CSDE1: variants seen among roughly 807,000 people sequenced by gnomAD.
CSDE1 encodes the protein cold shock domain-containing protein E1.
In CSDE1, 17 loss-of-function variants were observed where a neutral mutation model predicts 89.3. The observed-to-expected ratio is 0.19, with a 90% confidence interval of 0.13 to 0.29. The LOEUF is 0.29. Among genes scored for constraint, CSDE1 ranks in the 10% least tolerant of loss-of-function variants. CSDE1 has a pLI of 1.00. For missense variants in CSDE1, 672 were observed against 984.2 expected, an observed-to-expected ratio of 0.68 and a Z score of 4.24; for synonymous variants, 322 against 332.8, an observed-to-expected ratio of 0.97 and a Z score of 0.35.
intron 2 of CSDE1, among the ~76,000 whole-genome samples, chr1:114,746,110 CTG>C (rs796460385): frequency 6.5e-4 from 99 of 152,284 alleles, no homozygotes; most frequent in African/African-American, 2.3e-3. Flanking sequence ...GAAAACTACT[CTG>C]TATTCTCAGA....
chr1:114,731,090 A>T (rs1660072543), intron 10 of CSDE1, among the ~76,000 whole-genome samples: 1 of 152,054 alleles, frequency 6.6e-6, no homozygotes, highest in African/African-American at 2.4e-5. Flanking sequence ...GAAGAATAAA[A>T]TATATGCAAT....
chr1:114,718,607 T>C lies in CSDE1; in HGVS notation c.2349+6A>G. The C allele has an allele frequency of 6.2e-7, 1 of 1,613,768 alleles. No individual in the cohort carries two copies. Among genetic ancestry groups the C allele is most frequent in the Non-Finnish European group, 8.5e-7 (1 of 1,179,816 alleles). On this transcript the variant is annotated splice_donor_region_variant and intron_variant, in intron 19 of 19. Transcript: ENST00000358528. ...GGCCTCCCCCAAGCCTTGTATGCCC[T>C]CATACCATTGAGTTATCTGGTCCCC...
intron 15 of CSDE1, 69 bp downstream of exon 15, chr1:114,725,152 C>G: frequency 8.4e-7 from 1 of 1,186,734 alleles, no homozygotes; most frequent in Non-Finnish European, 1.3e-6. Context: ...GGCCTCATCT[C>G]CCTCTACTAC....
chr1:114,720,218 G>C, intron 17 of CSDE1: 1 of 249,912 alleles, frequency 4.0e-6, no homozygotes, highest in East Asian at 8.8e-5. Context: ...TTCTGTGTTT[G>C]TGTGATATGC....
intron 5 of CSDE1, among the ~76,000 whole-genome samples, chr1:114,737,205 C>G (rs762315651): frequency 2.0e-5 from 3 of 152,008 alleles, no homozygotes; most frequent in Non-Finnish European, 2.9e-5. Context: ...AGATCCCCCC[C>G]ACAACCCCCA....
chr1:114,732,488 G>T, intron 10 of CSDE1, 116 bp downstream of exon 10: 1 of 846,410 alleles, frequency 1.2e-6, no homozygotes, highest in Non-Finnish European at 1.9e-6. Context: ...CCTTAACAAG[G>T]TAAATGCCCA....
chr1:114,752,671 C>CA (rs1346218455), intron 1 of CSDE1, among the ~76,000 whole-genome samples: 1 of 152,024 alleles, frequency 6.6e-6, no homozygotes, highest in Non-Finnish European at 1.5e-5. Context: ...GGTCTTCCCA[C>CA]AAAAAAATAC....
Position 114,730,363 on chromosome 1 carries a change from C to T in CSDE1, c.1251G>A (p.Thr417=), listed in dbSNP as rs750204808. The change falls in exon 12 of 20, where the codon ACG becomes ACA. Residue 417 remains threonine (T), a synonymous_variant. Coordinates refer to ENST00000358528, the MANE Select transcript of CSDE1 (RefSeq NM_001007553.3). ...GATCTGAATGGGAATGAAATGAAACCGTGCCCTTGGGAAGTTTTTTAATCC... is the reference window on the plus strand; with the variant it reads ...GATCTGAATGGGAATGAAATGAAACTGTGCCCTTGGGAAGTTTTTTAATCC... ...AIRIKKLPKG[T]VSFHSHSDHR... 1.4e-5 allele frequency: 23 copies of T among 1,613,984 alleles called. No individual in the cohort carries two copies. In the East Asian group the frequency reaches 2.0e-4, roughly 14 times the overall value.
intron 2 of CSDE1, chr1:114,741,660 T>C: frequency 1.9e-6 from 3 of 1,544,036 alleles, no homozygotes; most frequent in Non-Finnish European, 2.6e-6. Context: ...AAAAACGTTC[T>C]CCATCTCAAA....
At chr1:114,741,153 A>G (rs1246646685) in intron 2 of CSDE1, among the ~76,000 whole-genome samples, 3 of 152,246 alleles carry the variant, frequency 2.0e-5, no homozygotes, top group African/African-American at 7.2e-5. Flanking sequence ...CCAATGAGAA[A>G]ACAGACACAG....
chr1:114,722,903 T>C (rs1659602471), intron 16 of CSDE1, among the ~76,000 whole-genome samples: 1 of 152,244 alleles, frequency 6.6e-6, no homozygotes, highest in Admixed American at 6.5e-5. Flanking sequence ...TCAAGGTTCA[T>C]TTCCTTCTCC....
chr1:114,733,456 G>A (rs1460442759), intron 9 of CSDE1, among the ~76,000 whole-genome samples: 2 of 151,298 alleles, frequency 1.3e-5, no homozygotes, highest in Admixed American at 6.6e-5. Flanking sequence ...AACCCGGGAG[G>A]CGGAGGTTGC....
At position 114,727,058 on chromosome 1, in the gene CSDE1, GTCA is replaced by G; in HGVS notation, c.1386_1388del (p.Asp463del). On this transcript the variant is annotated inframe_deletion, in exon 13 of 20. Transcript: ENST00000358528. ...AAGCAATAGTCAGTTTCACCCCACA[GTCA>G]TCATAAGCAATAATGCCATCCTCAG... 6.2e-7 allele frequency: 1 copy of G among 1,613,592 alleles called. No individual in the cohort carries two copies. Among genetic ancestry groups the G allele is most frequent in the South Asian group, 1.1e-5 (1 of 91,074 alleles).
chr1:114,745,023 G>A (rs1473266894), intron 2 of CSDE1, among the ~76,000 whole-genome samples: 1 of 151,338 alleles, frequency 6.6e-6, no homozygotes, highest in African/African-American at 2.4e-5. Flanking sequence ...TTGAATTTTT[G>A]CAATAAAAAA....
chr1:114,757,124 T>G (rs1661642843), intron 1 of CSDE1, among the ~76,000 whole-genome samples: 1 of 152,072 alleles, frequency 6.6e-6, no homozygotes, highest in Non-Finnish European at 1.5e-5. Flanking sequence ...GATAGAGGGG[T>G]GGGAGCCACG....
At chr1:114,736,050 G>A (rs1161816177) in intron 6 of CSDE1, among the ~76,000 whole-genome samples, 1 of 152,064 alleles carries the variant, frequency 6.6e-6, no homozygotes, top group Admixed American at 6.6e-5. Context: ...CCCAGTTTAT[G>A]GTACCATCAT....
At chr1:114,748,930 T>C (rs1661153322) in intron 2 of CSDE1, among the ~76,000 whole-genome samples, 1 of 152,218 alleles carries the variant, frequency 6.6e-6, no homozygotes. Flanking sequence ...ATCTGATGGC[T>C]CTCCTACGGA....
chr1:114,737,508 T>C lies in CSDE1; in HGVS notation c.365A>G (p.Gln122Arg). ...GTAGCATACACTCCCTGTTGGACTC[T>C]GACCCGGGGCAGCTGGAGATTTACT... The part of the protein sequence containing the change: ...LESKSPAAPG[Q>R]SPTGSVCYER... Residue 122 changes from glutamine to arginine, a missense_variant, in exon 5 of 20, where the codon CAG becomes CGG. Gln to Arg is a conservative substitution (Grantham distance 43). This residue lies in a region of CSDE1 where 124 missense variants were observed against 138.7 expected (regional missense o/e 0.89). Transcript: ENST00000358528. 6.2e-7 allele frequency: 1 copy of C among 1,614,058 alleles called. No homozygotes were observed. Among genetic ancestry groups the C allele is most frequent in the Non-Finnish European group, 8.5e-7 (1 of 1,180,004 alleles).
rs574875543 is a variant in CSDE1 at position 114,717,483 on chromosome 1, A to G, written c.*686T>C. 6.6e-6 allele frequency: 1 copy of G among 152,636 alleles called. No individual in the cohort carries two copies. Among genetic ancestry groups the G allele is most frequent in the South Asian group, 2.1e-4 (1 of 4,822 alleles). 9.5% of individuals were successfully genotyped at this position (152,636 alleles called of 1,614,324 possible). On this transcript the variant is annotated 3_prime_UTR_variant, in exon 20 of 20. Coordinates refer to ENST00000358528, the MANE Select transcript of CSDE1 (RefSeq NM_001007553.3). The stretch of plus-strand genomic sequence containing the variant: ...CATGAAATTCTGCACCATACTTACT[A>G]ATTGTAGTAAAGTTACCCCCCAACC...
Sources: allele counts gnomAD v4.1 joint callset (sites outside exome capture counted in the v4.1 genomes callset), GRCh38; gene constraint gnomAD v4.1.1; regional missense constraint gnomAD v4.1.1; transcripts MANE v1.5; gene names NCBI Gene and HGNC (gene_info 2026-07-23, HGNC 2026-07-21).